Variants in PCDHGB2 observed in about 807,000 individuals in gnomAD.
PCDHGB2 encodes protocadherin gamma subfamily B, 2, also known as protocadherin gamma-B2.
Under a neutral mutation model 59.3 loss-of-function variants are expected in PCDHGB2, and 55 were observed. The ratio of observed to expected loss-of-function variants is 0.93; its 90% CI spans 0.75 to 1.16. The LOEUF (loss-of-function observed/expected upper bound fraction) is 1.16. PCDHGB2 is among the 50% of genes most tolerant of loss of function. The probability of loss-of-function intolerance (pLI) is 0.00; values close to 1 mark genes in which losing one functional copy is unlikely to be tolerated. For synonymous variants in PCDHGB2, 516 were observed against 512.0 expected, an observed-to-expected ratio of 1.01 and a Z score of -0.11; for missense variants, 1,228 against 1,198.5, an observed-to-expected ratio of 1.02 and a Z score of -0.36.
chr5:141,488,518 G>A lies in PCDHGB2; in HGVS notation c.2422-6289G>A, dbSNP rs2233597. On this transcript the variant is annotated intron_variant, in intron 1 of 3. Coordinates refer to ENST00000522605, the MANE Select transcript of PCDHGB2 (RefSeq NM_018923.3). Reference sequence around the variant, plus strand: ...CACTCATTCCACATTTGGGGTCTGGGGTGTCAGAAAAGCTAAGTCCCATGT... The same window carrying A: ...CACTCATTCCACATTTGGGGTCTGGAGTGTCAGAAAAGCTAAGTCCCATGT... Among the ~76,000 whole-genome samples the A allele has an allele frequency of 5.8e-3, 879 of 152,218 alleles. 4 individuals are homozygous for A. The highest frequency in any genetic ancestry group is 0.021 in the African/African-American group (853 of 41,520).
intron 1 of PCDHGB2, among the ~76,000 whole-genome samples, chr5:141,386,466 A>G (rs1317226366): frequency 3.9e-5 from 6 of 152,122 alleles, no homozygotes; most frequent in Non-Finnish European, 8.8e-5. Context: ...GCTTGAACCC[A>G]AGAATTGGAG....
At chr5:141,421,469 G>A in intron 1 of PCDHGB2, 1 of 1,614,122 alleles carries the variant, frequency 6.2e-7, no homozygotes, top group Non-Finnish European at 8.5e-7. Flanking sequence ...GTGAATCCGC[G>A]AAGCGGCAGC....
Position 141,432,075 on chromosome 5 carries a change from C to T in PCDHGB2, c.2422-62732C>T. On this transcript the variant is annotated intron_variant, in intron 1 of 3. Transcript: ENST00000522605. The surrounding 1 kb of genome is among the most constrained non-coding windows in gnomAD (Gnocchi z 6.0). ...CCCCTATCCACGGAAACTCATATCT[C>T]GCTGAACGTGGCAGACACCAACGAC... 3 of 1,614,204 alleles carry T rather than the reference C, an allele frequency of 1.9e-6. No homozygotes were observed. Among genetic ancestry groups the T allele is most frequent in the Non-Finnish European group, 2.5e-6 (3 of 1,180,046 alleles).
Position 141,494,842 on chromosome 5 carries a change from G to A in PCDHGB2, c.2457G>A (p.Gln819=). 1 of 1,614,116 alleles carries A rather than the reference G, an allele frequency of 6.2e-7. No homozygotes were observed. Among genetic ancestry groups the A allele is most frequent in the Non-Finnish European group, 8.5e-7 (1 of 1,180,018 alleles). The change falls in exon 2 of 4, where the codon CAG becomes CAA. Residue 819 remains glutamine, a synonymous_variant. Coordinates refer to ENST00000522605, the MANE Select transcript of PCDHGB2 (RefSeq NM_018923.3). ...APPNTDWRFS[Q]AQRPGTSGSQ... is the part of the protein sequence containing the mutation. ...CCAACACGGACTGGCGTTTCTCTCA[G>A]GCCCAGAGACCCGGCACCAGCGGGT... is the stretch of plus-strand genomic sequence containing the variant.
chr5:141,413,630 C>T (rs746896115), intron 1 of PCDHGB2: 2 of 1,613,692 alleles, frequency 1.2e-6, no homozygotes, highest in Admixed American at 3.3e-5. Flanking sequence ...AATGTCGCTG[C>T]GGGAATGCGT....
intron 1 of PCDHGB2, 146 bp downstream of exon 1, chr5:141,362,702 T>A: frequency 9.7e-7 from 1 of 1,031,990 alleles, no homozygotes; most frequent in Non-Finnish European, 1.4e-6. Flanking sequence ...AACTGAATTT[T>A]AAGTGTTTTC....
Position 141,476,376 on chromosome 5 carries a change from T to C in PCDHGB2, c.2422-18431T>C. ...GTGAACCGGGAGACCGGAGAGATGT[T>C]TGTGAACGACCGTCTGGATCGAGAG... On this transcript the variant is annotated intron_variant, in intron 1 of 3. Coordinates refer to ENST00000522605, the MANE Select transcript of PCDHGB2 (RefSeq NM_018923.3). The surrounding 1 kb of genome is among the most constrained non-coding windows in gnomAD (Gnocchi z 7.6). The C allele has an allele frequency of 6.2e-7, 1 of 1,614,060 alleles. No homozygotes were observed. Among genetic ancestry groups the C allele is most frequent in the Non-Finnish European group, 8.5e-7 (1 of 1,180,004 alleles).
intron 1 of PCDHGB2, among the ~76,000 whole-genome samples, chr5:141,439,623 C>T (rs1219064055): frequency 6.6e-6 from 1 of 152,186 alleles, no homozygotes; most frequent in East Asian, 1.9e-4. Context: ...ATGAGCCAAT[C>T]CCCAGACATT....
chr5:141,383,455 G>A (rs1330166497), intron 1 of PCDHGB2: 1 of 1,613,936 alleles, frequency 6.2e-7, no homozygotes, highest in South Asian at 1.1e-5. Context: ...GCAAAGTGGA[G>A]ACGATGAAAC....
intron 1 of PCDHGB2, chr5:141,366,845 A>G: frequency 6.8e-7 from 1 of 1,477,098 alleles, no homozygotes; most frequent in Non-Finnish European, 9.1e-7. Flanking sequence ...AGTTATGTAA[A>G]TAGTGGAACA....
At position 141,399,531 on chromosome 5, in the gene PCDHGB2, G is replaced by T. The variant is rs771221717; in HGVS notation, c.2421+36975G>T. 24 of 1,614,052 alleles carry T rather than the reference G, an allele frequency of 1.5e-5. No homozygotes were observed. The South Asian group carries it at 2.0e-4, about 13-fold the overall frequency. ...ACAACCCTCCTGGGGCCTCCATCGC[G>T]CAAGTCTGCGCCTCGGACCTGGACT... On this transcript the variant is annotated intron_variant, in intron 1 of 3. Coordinates refer to ENST00000522605, the MANE Select transcript of PCDHGB2 (RefSeq NM_018923.3).
chr5:141,450,310 G>A (rs1364358879), intron 1 of PCDHGB2, among the ~76,000 whole-genome samples: 1 of 151,966 alleles, frequency 6.6e-6, no homozygotes, highest in Non-Finnish European at 1.5e-5. Context: ...ACCATGTGTG[G>A]CCTAGTTGCC....
chr5:141,423,628 A>G (rs1272272666), intron 1 of PCDHGB2: 2 of 1,604,848 alleles, frequency 1.2e-6, no homozygotes, highest in African/African-American at 1.3e-5. Context: ...CTCAGCTATC[A>G]TTTTAGGCAA....
chr5:141,378,017 A>G (rs1371705744), intron 1 of PCDHGB2: 1 of 152,202 alleles, frequency 6.6e-6, no homozygotes, highest in South Asian at 2.1e-4. Flanking sequence ...AGCTCTACTT[A>G]TATTATTTTT....
intron 1 of PCDHGB2, chr5:141,426,340 C>A: frequency 5.3e-6 from 1 of 190,288 alleles, no homozygotes; most frequent in Non-Finnish European, 1.1e-5. Flanking sequence ...AGCACTCTTC[C>A]CTTTCCTGCT....
chr5:141,388,256 G>T, intron 1 of PCDHGB2: 1 of 1,611,074 alleles, frequency 6.2e-7, no homozygotes, highest in Non-Finnish European at 8.5e-7. Flanking sequence ...TGGAGATCGA[G>T]GACATTAATG....
chr5:141,394,358 T>C (rs535265859), intron 1 of PCDHGB2: 13 of 1,614,188 alleles, frequency 8.1e-6, no homozygotes, highest in Middle Eastern at 1.6e-4. Flanking sequence ...GTGTCCTGTA[T>C]GCGCTGCAAT....
chr5:141,415,368 T>C (rs762653261), intron 1 of PCDHGB2: 1 of 1,614,244 alleles, frequency 6.2e-7, no homozygotes, highest in Non-Finnish European at 8.5e-7. Context: ...TGCTGCAGGC[T>C]TCAGGAGGCG....
intron 1 of PCDHGB2, chr5:141,384,258 C>T: frequency 6.2e-7 from 1 of 1,613,896 alleles, no homozygotes; most frequent in Non-Finnish European, 8.5e-7. Flanking sequence ...CCACCTTCCC[C>T]CACTCATCCT....
Sources: allele counts gnomAD v4.1 joint callset (sites outside exome capture counted in the v4.1 genomes callset), GRCh38; gene constraint gnomAD v4.1.1; non-coding constraint Gnocchi (gnomAD v3.1); transcripts MANE v1.5; gene names NCBI Gene and HGNC (gene_info 2026-07-23, HGNC 2026-07-21).